Variants in LARGE1 observed in about 807,000 individuals in gnomAD.
The protein encoded by LARGE1 is xylosyl- and glucuronyltransferase LARGE1.
A neutral mutation model predicts 87.6 loss-of-function variants in LARGE1; 43 were observed. The ratio of observed to expected loss-of-function variants is 0.49; its 90% CI spans 0.38 to 0.63. The LOEUF (loss-of-function observed/expected upper bound fraction) is 0.63, where lower values mean the gene tolerates loss of function less well. Ranked by LOEUF, LARGE1 falls within the 30% of genes least tolerant of loss-of-function variation. The pLI, the probability that LARGE1 is intolerant of heterozygous loss-of-function variation, is 0.00. For synonymous variants in LARGE1, 434 were observed against 394.6 expected (o/e 1.10, Z -1.18); for missense variants, 802 against 1,000.2 (o/e 0.80, Z 2.67).
At chr22:33,512,951 T>A (rs907078907) in intron 6 of LARGE1, among the ~76,000 whole-genome samples, 5 of 152,212 alleles carry the variant, frequency 3.3e-5, no homozygotes, top group South Asian at 2.1e-4. Context: ...CTGTTTTTTT[T>A]AAATTGTTTT....
rs150170180 is a variant in LARGE1, at chr22:33,345,883, T to C, written c.1132-8082A>G. Among the ~76,000 whole-genome samples, 280 of 152,358 alleles carry C rather than the reference T, an allele frequency of 1.8e-3. 1 individual carries two copies. Among genetic ancestry groups the C allele is most frequent in the Middle Eastern group, 0.017 (5 of 294 alleles). ...CCAGAGGGTTCATAAAAGTAATTAATGGTGCAAAACAGTGAAGAAATCAGA... is the reference window on the plus strand; with the variant it reads ...CCAGAGGGTTCATAAAAGTAATTAACGGTGCAAAACAGTGAAGAAATCAGA... On this transcript the variant is annotated intron_variant, in intron 9 of 14. Transcript: ENST00000397394.
At chr22:33,719,800 G>C (rs59963075) in intron 2 of LARGE1, among the ~76,000 whole-genome samples, 13,484 of 152,162 alleles carry the variant, frequency 0.089, 656 homozygotes, top group African/African-American at 0.12. Context: ...GATTACAGAC[G>C]TGAGCCACCG....
intron 10 of LARGE1, among the ~76,000 whole-genome samples, chr22:33,331,125 C>A (rs1937633970): frequency 6.6e-6 from 1 of 152,168 alleles, no homozygotes; most frequent in South Asian, 2.1e-4. Context: ...TCCCAAGGCA[C>A]ACTGTGTTCC....
intron 5 of LARGE1, among the ~76,000 whole-genome samples, chr22:33,589,707 A>G (rs2078782110): frequency 6.6e-6 from 1 of 152,220 alleles, no homozygotes; most frequent in Admixed American, 6.5e-5. Context: ...AGTGGAGGCT[A>G]TTAAAATATC....
At chr22:33,534,683 G>A (rs114509292) in intron 6 of LARGE1, among the ~76,000 whole-genome samples, 2,530 of 152,316 alleles carry the variant, frequency 0.017, 26 homozygotes, top group Middle Eastern at 0.041. Context: ...CCTCCGAGGC[G>A]GGGCTGCCCC....
intron 1 of LARGE1, among the ~76,000 whole-genome samples, chr22:33,887,079 G>T (rs2064872884): frequency 6.6e-6 from 1 of 152,202 alleles, no homozygotes; most frequent in Admixed American, 6.5e-5. Flanking sequence ...CCAGGGTGGG[G>T]AAGTGAAGGA....
chr22:33,718,378 T>C (rs1383333930), intron 2 of LARGE1, among the ~76,000 whole-genome samples: 3 of 152,186 alleles, frequency 2.0e-5, no homozygotes, highest in Admixed American at 6.5e-5. Context: ...AGGAACTAGA[T>C]TGGACAAACT....
At chr22:33,287,527 C>G (rs150068431) in intron 12 of LARGE1, among the ~76,000 whole-genome samples, 59 of 152,168 alleles carry the variant, frequency 3.9e-4, no homozygotes, top group African/African-American at 1.3e-3. Flanking sequence ...GTTGTTTCAG[C>G]AATAAACAAG....
chr22:33,336,384 G>A (rs772130699), intron 10 of LARGE1, among the ~76,000 whole-genome samples: 1 of 152,072 alleles, frequency 6.6e-6, no homozygotes, highest in Non-Finnish European at 1.5e-5. Flanking sequence ...ATTTTTAGTA[G>A]AGATGGGGTT....
chr22:33,254,373 G>A (rs767022023), intron 11 of LARGE1, among the ~76,000 whole-genome samples: 1 of 152,212 alleles, frequency 6.6e-6, no homozygotes, highest in Non-Finnish European at 1.5e-5. Flanking sequence ...GACAATAGTA[G>A]GCCCATTGTT....
At chr22:33,389,365 G>A (rs2065436514) in intron 7 of LARGE1, among the ~76,000 whole-genome samples, 1 of 152,226 alleles carries the variant, frequency 6.6e-6, no homozygotes, top group Non-Finnish European at 1.5e-5. Flanking sequence ...GCTTATGGCT[G>A]GAAAGGCTGA....
exon 12 of LARGE1, chr22:33,163,070 T>C (rs1057264912): frequency 1.3e-5 from 2 of 152,248 alleles, no homozygotes; most frequent in Non-Finnish European, 2.9e-5. Context: ...TGTCATTCCA[T>C]GAAAATCCAG....
the LARGE1 span, among the ~76,000 whole-genome samples, chr22:33,093,799 T>C: frequency 1.3e-5 from 2 of 150,102 alleles, no homozygotes; most frequent in Non-Finnish European, 3.0e-5. Flanking sequence ...AGAAAGTCCT[T>C]GATTCTTTTT....
intron 1 of LARGE1, among the ~76,000 whole-genome samples, chr22:33,782,898 AAGAG>A (rs1296828381): frequency 1.3e-5 from 2 of 148,600 alleles, no homozygotes; most frequent in Non-Finnish European, 3.0e-5. Flanking sequence ...AAAAAAAAAA[AAGAG>A]AGAGAGAGAG....
chr22:33,858,399 T>C (rs559232984), intron 1 of LARGE1, among the ~76,000 whole-genome samples: 7 of 152,326 alleles, frequency 4.6e-5, no homozygotes, highest in African/African-American at 1.2e-4. Context: ...AGAGCTCCCA[T>C]ACAAAGGGAG....
At chr22:33,205,260 G>A (rs188620412) in intron 11 of LARGE1, among the ~76,000 whole-genome samples, 1 of 152,294 alleles carries the variant, frequency 6.6e-6, no homozygotes, top group Non-Finnish European at 1.5e-5. Context: ...GAGAGATCAT[G>A]CACTAAAAAA....
intron 11 of LARGE1, among the ~76,000 whole-genome samples, chr22:33,242,877 T>C (rs1323741289): frequency 2.0e-5 from 3 of 152,216 alleles, no homozygotes; most frequent in Non-Finnish European, 4.4e-5. Context: ...CTTCTGGTGG[T>C]TTGCTGGCAA....
At position 33,761,255 on chromosome 22, in the gene LARGE1, C is replaced by T. The variant is rs117788135; in HGVS notation, c.106+116G>A. The T allele has an allele frequency of 4.0e-3, 3,543 of 894,636 alleles. 71 individuals are homozygous for T. Among genetic ancestry groups the T allele is most frequent in the Admixed American group, 0.036 (2,124 of 58,836 alleles). 55.4% of individuals were successfully genotyped at this position (894,636 alleles called of 1,614,324 possible). Reference sequence around the variant, plus strand: ...GTGTGATTCTAGACAAGTCACTTCCCATGACTGGAAATACATATTCCTATT... The same window carrying T: ...GTGTGATTCTAGACAAGTCACTTCCTATGACTGGAAATACATATTCCTATT... On this transcript the variant is annotated intron_variant, in intron 2 of 14. Coordinates refer to ENST00000397394, the MANE Select transcript of LARGE1 (RefSeq NM_133642.5).
At chr22:33,217,418 A>G (rs919862322) in intron 11 of LARGE1, among the ~76,000 whole-genome samples, 1 of 152,178 alleles carries the variant, frequency 6.6e-6, no homozygotes, top group African/African-American at 2.4e-5. Context: ...AGTGCACACT[A>G]AAGTTTGAGA....
Sources: allele counts gnomAD v4.1 joint callset (sites outside exome capture counted in the v4.1 genomes callset), GRCh38; gene constraint gnomAD v4.1.1; transcripts MANE v1.5; gene names NCBI Gene and HGNC (gene_info 2026-07-23, HGNC 2026-07-21).